The following METTL8 variants were observed in gnomAD, a reference collection of about 807,000 sequenced individuals.
The protein encoded by METTL8 is tRNA N(3)-cytidine methyltransferase METTL8, mitochondrial.
A neutral mutation model predicts 48.7 loss-of-function variants in METTL8; 32 were observed. That is an observed-to-expected ratio of 0.66 (90% CI 0.50 to 0.88). METTL8 has a LOEUF of 0.88. Ranked by LOEUF, METTL8 falls within the 40% of genes least tolerant of loss-of-function variation. METTL8 has a pLI of 0.00. For missense variants in METTL8, 464 were observed against 474.4 expected, an observed-to-expected ratio of 0.98 and a Z score of 0.20; for synonymous variants, 136 against 157.1, an observed-to-expected ratio of 0.87 and a Z score of 1.01.
At chr2:171,378,475 T>C (rs1274966366) in intron 2 of METTL8, among the ~76,000 whole-genome samples, 3 of 151,700 alleles carry the variant, frequency 2.0e-5, no homozygotes, top group Non-Finnish European at 4.4e-5. Context: ...CTACTAAAAA[T>C]ACAAAAATTA....
chr2:171,397,553 CAAAAAAAAAAAA>C (rs34936693), intron 1 of METTL8, among the ~76,000 whole-genome samples: 1 of 52,132 alleles, frequency 1.9e-5, no homozygotes, highest in East Asian at 6.6e-4. Flanking sequence ...AACCCTGCCT[CAAAAAAAAAAAA>C]AAAAAAAAAA....
upstream of METTL8, chr2:171,434,752 G>C: frequency 1.4e-6 from 2 of 1,389,970 alleles, no homozygotes; most frequent in East Asian, 2.9e-5. Context: ...GGCGCGCGGC[G>C]GCCGAGCCTC....
At chr2:171,398,442 T>G (rs576132504) in intron 1 of METTL8, among the ~76,000 whole-genome samples, 2 of 152,142 alleles carry the variant, frequency 1.3e-5, no homozygotes, top group East Asian at 3.9e-4. Context: ...TTATATGAGG[T>G]TCCTAGAGTA....
intron 1 of METTL8, among the ~76,000 whole-genome samples, chr2:171,423,648 A>G (rs532923195): frequency 1.3e-5 from 2 of 152,292 alleles, no homozygotes; most frequent in South Asian, 4.1e-4. Flanking sequence ...CCTGCCCTAG[A>G]GATCTGTGGA....
At chr2:171,427,938 A>C (rs568475760) in intron 1 of METTL8, among the ~76,000 whole-genome samples, 10 of 152,378 alleles carry the variant, frequency 6.6e-5, no homozygotes, top group African/African-American at 2.4e-4. Context: ...TTTGTCTCTG[A>C]ATAAATGTTC....
At chr2:171,364,154 T>C (rs1289201140) in intron 2 of METTL8, among the ~76,000 whole-genome samples, 2 of 152,122 alleles carry the variant, frequency 1.3e-5, no homozygotes, top group Non-Finnish European at 1.5e-5. Flanking sequence ...TTTAAAATTA[T>C]ATACACACAG....
chr2:171,330,122 T>A, intron 7 of METTL8, among the ~76,000 whole-genome samples: 1 of 152,200 alleles, frequency 6.6e-6, no homozygotes, highest in Admixed American at 6.5e-5. Flanking sequence ...TAGAACAAAA[T>A]TTTTAAAGCC....
At chr2:171,372,522 T>C (rs2105505421) in intron 2 of METTL8, among the ~76,000 whole-genome samples, 1 of 152,182 alleles carries the variant, frequency 6.6e-6, no homozygotes, top group South Asian at 2.1e-4. Context: ...CTAGGGTACA[T>C]GTGCACAACG....
At chr2:171,344,390 A>G (rs1205849457) in intron 3 of METTL8, among the ~76,000 whole-genome samples, 1 of 152,196 alleles carries the variant, frequency 6.6e-6, no homozygotes, top group Non-Finnish European at 1.5e-5. Context: ...CTGCCTCCCG[A>G]ACACAAAGTC....
At chr2:171,336,393 C>T (rs1479827093) in intron 5 of METTL8, among the ~76,000 whole-genome samples, 2 of 132,536 alleles carry the variant, frequency 1.5e-5, no homozygotes, top group South Asian at 2.4e-4. Flanking sequence ...CCACGCCCGA[C>T]TGCTTTTTTT....
At chr2:171,391,107 C>T (rs1333087763) in intron 2 of METTL8, among the ~76,000 whole-genome samples, 2 of 152,192 alleles carry the variant, frequency 1.3e-5, no homozygotes, top group Non-Finnish European at 2.9e-5. Flanking sequence ...CCAACCACCA[C>T]CCTGATCAGT....
chr2:171,331,111 C>CCTTT (rs1390022768), intron 6 of METTL8, among the ~76,000 whole-genome samples: 1 of 151,960 alleles, frequency 6.6e-6, no homozygotes, highest in Non-Finnish European at 1.5e-5. Flanking sequence ...GTGTTGTTGG[C>CCTTT]CTTTCTTTCT....
At chr2:171,352,738 T>G (rs1357005544) in intron 3 of METTL8, among the ~76,000 whole-genome samples, 5 of 152,222 alleles carry the variant, frequency 3.3e-5, no homozygotes, top group Admixed American at 3.3e-4. Flanking sequence ...TCTTCTAGAT[T>G]TTCTAGTTTA....
chr2:171,378,457 C>T (rs767179366), intron 2 of METTL8, among the ~76,000 whole-genome samples: 7 of 151,980 alleles, frequency 4.6e-5, no homozygotes, highest in Non-Finnish European at 7.4e-5. Context: ...CATAGTGAAA[C>T]CCCATCTCTA....
chr2:171,420,158 C>T (rs908686458), intron 1 of METTL8, among the ~76,000 whole-genome samples: 2 of 152,062 alleles, frequency 1.3e-5, no homozygotes, highest in African/African-American at 4.8e-5. Context: ...CAAGACCAGC[C>T]TAGGCAATGT....
intron 1 of METTL8, among the ~76,000 whole-genome samples, chr2:171,396,725 TA>T (rs1689101057): frequency 6.6e-6 from 1 of 152,196 alleles, no homozygotes; most frequent in Non-Finnish European, 1.5e-5. Flanking sequence ...AACTGAATGA[TA>T]ACAAAATCTG....
chr2:171,424,077 G>A (rs1692149788), intron 1 of METTL8, among the ~76,000 whole-genome samples: 1 of 152,246 alleles, frequency 6.6e-6, no homozygotes, highest in Non-Finnish European at 1.5e-5. Context: ...TGGCTTCAGA[G>A]GGGACAAGCT....
intron 2 of METTL8, among the ~76,000 whole-genome samples, chr2:171,389,825 G>A (rs968532796): frequency 6.6e-6 from 1 of 152,196 alleles, no homozygotes; most frequent in Non-Finnish European, 1.5e-5. Flanking sequence ...AAGTGCTGAT[G>A]GAGAAGCTGT....
intron 5 of METTL8, among the ~76,000 whole-genome samples, chr2:171,334,903 G>C (rs1685923981): frequency 6.6e-6 from 1 of 152,166 alleles, no homozygotes. Context: ...AATCAGATTA[G>C]GATAAAATAT....
Sources: allele counts gnomAD v4.1 joint callset (sites outside exome capture counted in the v4.1 genomes callset), GRCh38; gene constraint gnomAD v4.1.1; transcripts MANE v1.5; gene names NCBI Gene and HGNC (gene_info 2026-07-23, HGNC 2026-07-21).